The following CERT1 variants were observed in gnomAD, a reference collection of about 807,000 sequenced individuals.
The protein encoded by CERT1 is ceramide transfer protein.
In CERT1, 31 loss-of-function variants were observed where a neutral mutation model predicts 87.9. The ratio of observed to expected loss-of-function variants is 0.35; its 90% confidence interval spans 0.27 to 0.48. The LOEUF (loss-of-function observed/expected upper bound fraction) is 0.48. Among genes scored for constraint, CERT1 ranks in the 20% least tolerant of loss-of-function variants. The probability of loss-of-function intolerance (pLI) is 0.99; values close to 1 mark genes in which losing one functional copy is unlikely to be tolerated. For missense variants in CERT1, 487 were observed against 758.0 expected, an observed-to-expected ratio of 0.64 and a Z score of 4.20; for synonymous variants, 289 against 250.9, an observed-to-expected ratio of 1.15 and a Z score of -1.44.
At chr5:75,401,328 T>C (rs1404461292) in intron 9 of CERT1, 1 of 152,212 alleles carries the variant, frequency 6.6e-6, no homozygotes, top group African/African-American at 2.4e-5. Context: ...ATACTGATAT[T>C]CAGTAGAGTA....
intron 8 of CERT1, among the ~76,000 whole-genome samples, chr5:75,405,408 G>A (rs775918076): frequency 6.6e-6 from 1 of 152,044 alleles, no homozygotes; most frequent in Non-Finnish European, 1.5e-5. Context: ...CAACGCTTCA[G>A]TCATCCTTTG....
intron 9 of CERT1, chr5:75,400,613 A>G (rs1216445102): frequency 9.2e-6 from 2 of 216,736 alleles, no homozygotes; most frequent in Non-Finnish European, 1.8e-5. Flanking sequence ...GCTGCTGCCA[A>G]TTCTCTCCTA....
At chr5:75,406,653 C>T (rs535848733) in intron 8 of CERT1, among the ~76,000 whole-genome samples, 1 of 151,920 alleles carries the variant, frequency 6.6e-6, no homozygotes, top group East Asian at 1.9e-4. Flanking sequence ...AATTCTCCTG[C>T]CTCAGACTCC....
intron 3 of CERT1, among the ~76,000 whole-genome samples, chr5:75,446,649 G>T (rs1048934737): frequency 2.0e-5 from 3 of 151,928 alleles, no homozygotes; most frequent in South Asian, 2.1e-4. Context: ...TTTCCTCAGG[G>T]TTTGTTATTT....
chr5:75,426,351 G>A lies in CERT1; in HGVS notation c.456+20C>T. The A allele has an allele frequency of 1.3e-6, 2 of 1,513,182 alleles. No homozygotes were observed. Among genetic ancestry groups the A allele is most frequent in the Non-Finnish European group, 1.8e-6 (2 of 1,088,598 alleles). The allele number at this position is 1,513,182 out of a possible 1,614,324, so 93.7% of individuals were successfully genotyped here. ...ACTCAATTTATGTTGTTTAACTTAA[G>A]GCATCCATTAACTACACACCTTGAA... On this transcript the variant is annotated intron_variant, in intron 4 of 16. Transcript: ENST00000643780.
chr5:75,398,356 A>T (rs1275355428), intron 11 of CERT1, among the ~76,000 whole-genome samples: 1 of 152,276 alleles, frequency 6.6e-6, no homozygotes, highest in South Asian at 2.1e-4. Flanking sequence ...AAATTATGTT[A>T]TAATAGCAAT....
At chr5:75,423,938 C>T (rs1322853382) in intron 5 of CERT1, among the ~76,000 whole-genome samples, 4 of 151,908 alleles carry the variant, frequency 2.6e-5, no homozygotes, top group African/African-American at 9.7e-5. Flanking sequence ...GAACTTGGAT[C>T]CAGATCAAAC....
At chr5:75,387,563 G>A (rs1185016525) in intron 12 of CERT1, among the ~76,000 whole-genome samples, 1 of 151,862 alleles carries the variant, frequency 6.6e-6, no homozygotes, top group African/African-American at 2.4e-5. Context: ...CCAACAAGGT[G>A]AAACCCCATT....
chr5:75,469,190 A>G (rs1765602082), intron 2 of CERT1, among the ~76,000 whole-genome samples: 1 of 152,218 alleles, frequency 6.6e-6, no homozygotes, highest in African/African-American at 2.4e-5. Flanking sequence ...TGCAATAAAG[A>G]ACATCAATAG....
chr5:75,448,494 C>T (rs982899447), intron 3 of CERT1, among the ~76,000 whole-genome samples: 9 of 152,000 alleles, frequency 5.9e-5, no homozygotes, highest in African/African-American at 1.2e-4. Flanking sequence ...CAAGCAATAA[C>T]GATAATATAA....
intron 12 of CERT1, among the ~76,000 whole-genome samples, chr5:75,387,255 G>A (rs1188723915): frequency 6.6e-6 from 1 of 152,204 alleles, no homozygotes; most frequent in Non-Finnish European, 1.5e-5. Context: ...GTTCCTAGAT[G>A]TGGTGCCAAA....
downstream of CERT1, chr5:75,372,870 A>C (rs901667195): frequency 1.3e-5 from 2 of 152,216 alleles, no homozygotes; most frequent in Admixed American, 1.3e-4. Context: ...TACAGAGCTG[A>C]ACAAGTCAGC....
chr5:75,381,097 T>C lies in CERT1; in HGVS notation c.1722A>G (p.Leu574=), dbSNP rs141459538. The C allele has an allele frequency of 1.6e-4, 253 of 1,614,010 alleles. No individual in the cohort carries two copies. The highest frequency in any genetic ancestry group is 2.1e-4 in the Non-Finnish European group (245 of 1,179,990). Residue 574 remains leucine (L), a synonymous_variant, in exon 16 of 17, where the codon CTA becomes CTG. Transcript: ENST00000643780. ...CATTAGCTACATATGTAATCTTGCA[T>C]AGAATGTTGTCCCTGCTAATTTCCT... is the stretch of plus-strand genomic sequence containing the variant. ...GNQEISRDNI[L]CKITYVANVN...
chr5:75,432,219 T>C (rs1440539189), intron 3 of CERT1, among the ~76,000 whole-genome samples: 1 of 151,864 alleles, frequency 6.6e-6, no homozygotes, highest in African/African-American at 2.4e-5. Context: ...ACCCGGCTAA[T>C]TTTGTTTTTG....
At chr5:75,474,207 C>T (rs535823265) in intron 2 of CERT1, among the ~76,000 whole-genome samples, 12 of 152,290 alleles carry the variant, frequency 7.9e-5, no homozygotes, top group East Asian at 1.9e-4. Flanking sequence ...GCCCCTGTCA[C>T]GTACCCCCTG....
At chr5:75,400,346 G>T in intron 9 of CERT1, 49 bp from the exon 10 acceptor site, 2 of 1,330,294 alleles carry the variant, frequency 1.5e-6, no homozygotes, top group South Asian at 2.5e-5. Context: ...AGTGTATTTT[G>T]TAACTCAAGA....
intron 9 of CERT1, chr5:75,401,541 A>G (rs1369552216): frequency 6.6e-6 from 1 of 152,208 alleles, no homozygotes; most frequent in Non-Finnish European, 1.5e-5. Flanking sequence ...TAAGGGAAAC[A>G]AATAAATAAT....
chr5:75,491,870 A>G (rs1212672987), intron 2 of CERT1, among the ~76,000 whole-genome samples: 1 of 152,190 alleles, frequency 6.6e-6, no homozygotes, highest in Non-Finnish European at 1.5e-5. Flanking sequence ...AAGCCCACAC[A>G]GTTTAAAGAG....
intron 8 of CERT1, 35 bp downstream of exon 8, chr5:75,410,976 A>AT: frequency 9.0e-7 from 1 of 1,105,950 alleles, no homozygotes; most frequent in Admixed American, 2.1e-5. Flanking sequence ...GACATGATCT[A>AT]TGTGTTTCTC....
Sources: gnomAD v4.1 joint callset for allele counts (sites outside exome capture counted in the v4.1 genomes callset) on GRCh38, gnomAD v4.1.1 for gene constraint, MANE v1.5 for transcripts, NCBI Gene and HGNC (gene_info 2026-07-23, HGNC 2026-07-21) for gene names.